The following DIPK1C variants were observed in gnomAD, a reference collection of about 807,000 sequenced individuals.
DIPK1C encodes divergent protein kinase domain 1C, also known as familial non-conventional Alzheimer's dementia.
Under a neutral mutation model 28.0 loss-of-function variants are expected in DIPK1C, and 33 were observed. The observed-to-expected ratio is 1.18, with a 90% CI of 0.89 to 1.58. The LOEUF is 1.58. DIPK1C is among the 40% of genes most tolerant of loss of function. DIPK1C has a pLI of 0.00. For synonymous variants in DIPK1C, 255 were observed against 248.8 expected, an observed-to-expected ratio of 1.02 and a Z score of -0.23; for missense variants, 569 against 568.5, an observed-to-expected ratio of 1.00 and a Z score of -0.01.
At chr18:74,463,234 T>C in the DIPK1C span, among the ~76,000 whole-genome samples, 1 of 152,186 alleles carries the variant, frequency 6.6e-6, no homozygotes, top group Admixed American at 6.5e-5. Flanking sequence ...CGTTATTTGC[T>C]TGGCTGTTTT....
At chr18:74,451,884 A>G (rs1229646236) in intron 1 of DIPK1C, among the ~76,000 whole-genome samples, 1 of 152,178 alleles carries the variant, frequency 6.6e-6, no homozygotes, top group African/African-American at 2.4e-5. Context: ...CTTAAAATGG[A>G]TGATACCCCA....
upstream of DIPK1C, among the ~76,000 whole-genome samples, chr18:74,462,368 T>G (rs1010895899): frequency 2.0e-5 from 3 of 152,234 alleles, no homozygotes; most frequent in Non-Finnish European, 1.5e-5. Flanking sequence ...TTCTTTCACT[T>G]AATGCTTTTC....
intron 3 of DIPK1C, among the ~76,000 whole-genome samples, chr18:74,437,335 G>A (rs989056486): frequency 6.6e-6 from 1 of 152,236 alleles, no homozygotes; most frequent in African/African-American, 2.4e-5. Flanking sequence ...TCTGTGAAAT[G>A]TGTTATTCTA....
chr18:74,437,724 C>T (rs1252157807), intron 3 of DIPK1C, among the ~76,000 whole-genome samples: 1 of 152,108 alleles, frequency 6.6e-6, no homozygotes, highest in Non-Finnish European at 1.5e-5. Context: ...TAAGGCTAGA[C>T]CGTGATCTCA....
chr18:74,444,545 C>T (rs539559653), intron 2 of DIPK1C, among the ~76,000 whole-genome samples: 113 of 152,320 alleles, frequency 7.4e-4, no homozygotes, highest in African/African-American at 2.5e-3. Flanking sequence ...ATTGCTGGCT[C>T]CCACCCCATC....
At chr18:74,446,205 C>T (rs184964851) in intron 2 of DIPK1C, among the ~76,000 whole-genome samples, 7 of 152,216 alleles carry the variant, frequency 4.6e-5, no homozygotes, top group African/African-American at 1.7e-4. Flanking sequence ...CTCTCCACAC[C>T]GGAGGCCATC....
chr18:74,459,951 C>T (rs1986592328), upstream of DIPK1C, among the ~76,000 whole-genome samples: 1 of 152,228 alleles, frequency 6.6e-6, no homozygotes. Flanking sequence ...TCCCCAGTCA[C>T]AGGGGCCAGT....
intron 3 of DIPK1C, among the ~76,000 whole-genome samples, chr18:74,441,358 G>T (rs1340677524): frequency 6.6e-6 from 1 of 152,118 alleles, no homozygotes; most frequent in East Asian, 1.9e-4. Context: ...CTCAAGTGAG[G>T]GCAGAAGGAG....
rs1986140987 is a variant in DIPK1C, at chr18:74,442,093, C to T, written c.900G>A (p.Met300Ile). The part of the protein sequence containing the change: ...DFTVVAIDVD[M>I]AFFEPKMREI... ...CCCTCATTTTAGGTTCAAAAAAGGC[C>T]ATGTCCACATCAATAGCCACCACCT... is the stretch of plus-strand genomic sequence containing the variant. The change falls in exon 3 of 4, where the codon ATG becomes ATA. Residue 300 changes from methionine (M) to isoleucine (I), a missense_variant. Met to Ile is a conservative substitution (Grantham distance 10). Coordinates refer to ENST00000343998, the MANE Select transcript of DIPK1C (RefSeq NM_001044369.3). 3.1e-6 allele frequency: 5 copies of T among 1,614,100 alleles called. No homozygotes were observed. The highest frequency in any genetic ancestry group is 3.4e-6 in the Non-Finnish European group (4 of 1,180,008).
At chr18:74,450,801 G>C (rs941436535) in intron 1 of DIPK1C, among the ~76,000 whole-genome samples, 7 of 152,270 alleles carry the variant, frequency 4.6e-5, no homozygotes, top group African/African-American at 1.2e-4. Flanking sequence ...GAGCAGAGGG[G>C]ACAGGCTTCG....
upstream of DIPK1C, chr18:74,457,382 G>T (rs1986542564): frequency 1.4e-6 from 1 of 697,794 alleles, no homozygotes; most frequent in Non-Finnish European, 1.8e-6. Flanking sequence ...GCCGCGCGAG[G>T]GTTGGGGCAG....
At chr18:74,449,468 G>C (rs1048144806) in intron 1 of DIPK1C, among the ~76,000 whole-genome samples, 3 of 152,202 alleles carry the variant, frequency 2.0e-5, no homozygotes, top group Non-Finnish European at 4.4e-5. Flanking sequence ...GTGCTTAAAA[G>C]AGGTATCTAG....
At chr18:74,456,471 G>A (rs1986514601) in intron 1 of DIPK1C, among the ~76,000 whole-genome samples, 1 of 152,234 alleles carries the variant, frequency 6.6e-6, no homozygotes, top group Non-Finnish European at 1.5e-5. Flanking sequence ...CTGCTCGCCC[G>A]AGCGCACACT....
At chr18:74,442,503 G>T (rs1986160281) in intron 2 of DIPK1C, among the ~76,000 whole-genome samples, 1 of 151,936 alleles carries the variant, frequency 6.6e-6, no homozygotes, top group Non-Finnish European at 1.5e-5. Context: ...TAATTTTTTT[G>T]TATTTTTAGT....
Position 74,455,736 on chromosome 18 carries a change from G to GAA in DIPK1C, c.198+1324_198+1325dup, listed in dbSNP as rs1277479013. ...AGAGCAAAACTCCATAAAAAAAAAA[G>GAA]AAAAAGAAAAAGAAAAAAAAAACCA... On this transcript the variant is annotated intron_variant, in intron 1 of 3. Transcript: ENST00000343998. Among the ~76,000 whole-genome samples, 71 of 138,046 alleles carry GAA rather than the reference G, an allele frequency of 5.1e-4. 2 individuals are homozygous for GAA. The highest frequency in any genetic ancestry group is 1.7e-3 in the African/African-American group (63 of 37,052). The allele number at this position is 138,046 out of a possible 152,430, so 90.6% of individuals were successfully genotyped here. A position where few individuals can be genotyped will look rare whatever the true frequency, so the allele number is the denominator to read the frequency against.
upstream of DIPK1C, chr18:74,457,732 C>CCCCG (rs1555699775): frequency 1.4e-5 from 2 of 143,714 alleles, no homozygotes; most frequent in African/African-American, 5.1e-5. Context: ...TGTCCCCCCC[C>CCCCG]GTTTACCTCT....
chr18:74,455,811 G>C (rs906264224), intron 1 of DIPK1C, among the ~76,000 whole-genome samples: 1 of 151,866 alleles, frequency 6.6e-6, no homozygotes, highest in Non-Finnish European at 1.5e-5. Flanking sequence ...ACTAGAAGGG[G>C]TCAATAGAAT....
intron 1 of DIPK1C, among the ~76,000 whole-genome samples, chr18:74,449,222 A>G (rs1036653900): frequency 2.0e-5 from 3 of 152,186 alleles, no homozygotes; most frequent in African/African-American, 7.2e-5. Context: ...ATTTGTATCT[A>G]TATGTGTTTG....
Position 74,436,666 on chromosome 18 carries a change from A to G in DIPK1C, c.1095T>C (p.Ser365=), listed in dbSNP as rs762130860. 4 of 1,614,040 alleles carry G rather than the reference A, an allele frequency of 2.5e-6. No homozygotes were observed. The South Asian group carries it at 4.4e-5, about 18-fold the overall frequency. The change falls in exon 4 of 4, where the codon TCT becomes TCC. Residue 365 remains serine (S), a synonymous_variant. Coordinates refer to ENST00000343998, the MANE Select transcript of DIPK1C (RefSeq NM_001044369.3). ...RHWFSAPLKS[S]AVSFQLQLQL... is the part of the protein sequence containing the mutation. ...GCAGCTGAAGCTGGAAAGAGACCGC[A>G]GAGCTCTTGAGAGGCGCGGAAAACC...
Sources: allele counts gnomAD v4.1 joint callset (sites outside exome capture counted in the v4.1 genomes callset), GRCh38; gene constraint gnomAD v4.1.1; transcripts MANE v1.5; gene names NCBI Gene and HGNC (gene_info 2026-07-23, HGNC 2026-07-21).